The following NEMP2 variants were observed in gnomAD, a reference collection of about 807,000 sequenced individuals.
The protein encoded by NEMP2 is nuclear envelope integral membrane protein 2.
Under a neutral mutation model 54.2 loss-of-function variants are expected in NEMP2, and 53 were observed. That is an observed-to-expected ratio of 0.98 (90% CI 0.78 to 1.23). NEMP2 has a LOEUF of 1.23. NEMP2 is among the 50% of genes most tolerant of loss of function. The probability of loss-of-function intolerance (pLI) is 0.00; values close to 1 mark genes in which losing one functional copy is unlikely to be tolerated. For missense variants in NEMP2, 455 were observed against 511.3 expected (o/e 0.89, Z 1.06); for synonymous variants, 197 against 190.3 (o/e 1.04, Z -0.29).
At position 190,509,606 on chromosome 2, in the gene NEMP2, T is replaced by C. The variant is rs1690284904; in HGVS notation, c.1131-294A>G. Among the ~76,000 whole-genome samples the C allele has an allele frequency of 6.6e-6, 1 of 152,254 alleles. No individual in the cohort carries two copies. On this transcript the variant is annotated intron_variant, in intron 8 of 8. Coordinates refer to ENST00000409150, the MANE Select transcript of NEMP2 (RefSeq NM_001142645.2). The surrounding 1 kb of genome is among the most constrained non-coding windows in gnomAD (Gnocchi z 6.1). ...TCTCTATTTTTTATTAGTTTGAATT[T>C]ATTATTATTCATTATTTTGTTTCAA...
At chr2:190,425,036 C>A in the NEMP2 span, among the ~76,000 whole-genome samples, 1 of 152,092 alleles carries the variant, frequency 6.6e-6, no homozygotes, top group Non-Finnish European at 1.5e-5. The surrounding 1 kb of genome is among the most constrained non-coding windows in gnomAD (Gnocchi z 4.3). Context: ...CTTTCATCAG[C>A]ATTTTATGGT....
rs1449553881 is a variant in NEMP2, at chr2:190,523,990, T to C, written c.213+1273A>G. Among the ~76,000 whole-genome samples, 2 of 150,178 alleles carry C rather than the reference T, an allele frequency of 1.3e-5. No individual in the cohort carries two copies. The highest frequency in any genetic ancestry group is 2.5e-5 in the African/African-American group (1 of 40,676). On this transcript the variant is annotated intron_variant, in intron 2 of 8. Transcript: ENST00000409150. The surrounding 1 kb of genome is among the most constrained non-coding windows in gnomAD (Gnocchi z 5.3). ...GGCTGAGGCAGGCAGATTGCTTGAG[T>C]CCCGGAGTTCAGTAGACTCATGGGC...
the NEMP2 span, among the ~76,000 whole-genome samples, chr2:190,582,536 TA>T: frequency 1.3e-5 from 2 of 152,316 alleles, no homozygotes; most frequent in Admixed American, 6.5e-5. This position sits in a 1 kb window ranked among gnomAD's most constrained non-coding sequence, Gnocchi z 4.6. Context: ...ACATAGACCT[TA>T]AAAAAATCAT....
At chr2:190,555,547 T>C in the NEMP2 span, among the ~76,000 whole-genome samples, 1 of 151,282 alleles carries the variant, frequency 6.6e-6, no homozygotes, top group African/African-American at 2.4e-5. This position sits in a 1 kb window ranked among gnomAD's most constrained non-coding sequence, Gnocchi z 4.8. Flanking sequence ...ATAGCCAAAT[T>C]GATCAAGCAG....
rs578017489 is a variant in NEMP2, at chr2:190,512,863, G to A, written c.953+1590C>T. On this transcript the variant is annotated intron_variant, in intron 7 of 8. Transcript: ENST00000409150. This position sits in a 1 kb window ranked among gnomAD's most constrained non-coding sequence, Gnocchi z 4.5. ...TCAGCCCCGCCAGCATCTTCTGTGC[G>A]GGCTCCCTGTCCTGTCAATGGTGCA... Among the ~76,000 whole-genome samples, 6 of 152,284 alleles carry A rather than the reference G, an allele frequency of 3.9e-5. No homozygotes were observed. Among genetic ancestry groups the A allele is most frequent in the African/African-American group, 1.4e-4 (6 of 41,554 alleles).
At chr2:190,645,022 C>T in the NEMP2 span, among the ~76,000 whole-genome samples, 12 of 152,100 alleles carry the variant, frequency 7.9e-5, no homozygotes, top group Admixed American at 4.6e-4. Context: ...ATTATGAACA[C>T]GCCTGTAAAA....
the NEMP2 span, among the ~76,000 whole-genome samples, chr2:190,551,149 G>C: frequency 6.7e-6 from 1 of 149,194 alleles, no homozygotes; most frequent in South Asian, 2.1e-4. Context: ...TTTGTTGTAG[G>C]TCAATATTCT....
the NEMP2 span, chr2:190,477,345 A>G: frequency 6.1e-6 from 6 of 984,202 alleles, no homozygotes; most frequent in Non-Finnish European, 6.0e-6. Flanking sequence ...ATTTATTGGT[A>G]TGCTACAGTG....
the NEMP2 span, among the ~76,000 whole-genome samples, chr2:190,462,799 C>G: frequency 2.6e-5 from 4 of 152,204 alleles, no homozygotes; most frequent in Non-Finnish European, 5.9e-5. This position sits in a 1 kb window ranked among gnomAD's most constrained non-coding sequence, Gnocchi z 5.7. Context: ...GTCAGCCCTG[C>G]TACTTCTAGA....
chr2:190,451,476 A>G, the NEMP2 span, among the ~76,000 whole-genome samples: 8 of 152,244 alleles, frequency 5.3e-5, no homozygotes, highest in African/African-American at 1.7e-4. The surrounding 1 kb of genome is among the most constrained non-coding windows in gnomAD (Gnocchi z 5.0). Flanking sequence ...AATAAGAAAG[A>G]TAAAGGTCAG....
chr2:190,482,888 T>TG, the NEMP2 span, among the ~76,000 whole-genome samples: 1 of 43,676 alleles, frequency 2.3e-5, no homozygotes, highest in Non-Finnish European at 5.9e-5. Context: ...TTTTTTTTTT[T>TG]TTTTTTTTTT....
chr2:190,497,578 G>A, the NEMP2 span: 1 of 1,614,150 alleles, frequency 6.2e-7, no homozygotes, highest in Non-Finnish European at 8.5e-7. The surrounding 1 kb of genome is among the most constrained non-coding windows in gnomAD (Gnocchi z 5.2). Flanking sequence ...CTAAGCACCA[G>A]GAAGAACAGG....
At chr2:190,473,500 T>C in the NEMP2 span, among the ~76,000 whole-genome samples, 2 of 152,056 alleles carry the variant, frequency 1.3e-5, no homozygotes, top group Non-Finnish European at 2.9e-5. Flanking sequence ...GGTAAAGGGA[T>C]CAATTCAACA....
the NEMP2 span, among the ~76,000 whole-genome samples, chr2:190,431,204 G>A: frequency 4.0e-5 from 6 of 149,720 alleles, no homozygotes; most frequent in African/African-American, 1.2e-4. This position sits in a 1 kb window ranked among gnomAD's most constrained non-coding sequence, Gnocchi z 4.4. Context: ...GGGAAGAGGC[G>A]CTCCTCACTT....
the NEMP2 span, among the ~76,000 whole-genome samples, chr2:190,425,493 G>A: frequency 6.6e-6 from 1 of 152,128 alleles, no homozygotes; most frequent in Non-Finnish European, 1.5e-5. This position sits in a 1 kb window ranked among gnomAD's most constrained non-coding sequence, Gnocchi z 4.3. Context: ...TTATCAAATT[G>A]AGAACATTCC....
chr2:190,471,526 G>C, the NEMP2 span, among the ~76,000 whole-genome samples: 1 of 152,194 alleles, frequency 6.6e-6, no homozygotes, highest in East Asian at 1.9e-4. The surrounding 1 kb of genome is among the most constrained non-coding windows in gnomAD (Gnocchi z 4.7). Context: ...ACTGCAAGGC[G>C]GCAGTGAGGC....
chr2:190,429,251 T>C, the NEMP2 span, among the ~76,000 whole-genome samples: 1 of 152,058 alleles, frequency 6.6e-6, no homozygotes, highest in African/African-American at 2.4e-5. Flanking sequence ...TGTGTGTGTA[T>C]ACATATATCA....
chr2:190,476,764 T>C, the NEMP2 span, among the ~76,000 whole-genome samples: 1 of 152,162 alleles, frequency 6.6e-6, no homozygotes, highest in African/African-American at 2.4e-5. Context: ...CATATGTTTA[T>C]TGCAGCACTA....
chr2:190,527,784 T>C lies in NEMP2; in HGVS notation c.98-2406A>G, dbSNP rs2125341893. 6.6e-6 allele frequency among the ~76,000 whole-genome samples: 1 copy of C among 152,258 alleles called. No individual in the cohort carries two copies. Among genetic ancestry groups the C allele is most frequent in the Non-Finnish European group, 1.5e-5 (1 of 68,020 alleles). ...ACCTCCTGTCAGATCAGCAGTGGCA[T>C]TAGATTATCATAGGAGCGTGAACCT... On this transcript the variant is annotated intron_variant, in intron 1 of 8. Transcript: ENST00000409150. The surrounding 1 kb of genome is among the most constrained non-coding windows in gnomAD (Gnocchi z 4.0).
Sources: gnomAD v4.1 joint callset for allele counts (sites outside exome capture counted in the v4.1 genomes callset) on GRCh38, gnomAD v4.1.1 for gene constraint, Gnocchi (gnomAD v3.1) non-coding constraint, MANE v1.5 for transcripts, NCBI Gene and HGNC (gene_info 2026-07-23, HGNC 2026-07-21) for gene names.